DDX17: variants seen among roughly 807,000 people sequenced by gnomAD.
The protein encoded by DDX17 is probable ATP-dependent RNA helicase DDX17.
DDX17 carries 10 observed loss-of-function variants against 80.8 expected under a neutral mutation model. The observed-to-expected ratio is 0.12, with a 90% CI of 0.08 to 0.21. The LOEUF is 0.21. Ranked by LOEUF, DDX17 falls within the 10% of genes least tolerant of loss-of-function variation. DDX17 has a pLI of 1.00. For synonymous variants in DDX17, 339 were observed against 336.2 expected (o/e 1.01, Z -0.09); for missense variants, 586 against 957.4 (o/e 0.61, Z 5.12).
At chr22:38,505,728 G>A (rs999802913) in intron 1 of DDX17, 3 of 539,242 alleles carry the variant, frequency 5.6e-6, no homozygotes, top group Non-Finnish European at 9.5e-6. Flanking sequence ...CACGACGGCC[G>A]TCCGCACGGA....
chr22:38,501,254 A>T lies in DDX17; in HGVS notation c.314T>A (p.Leu105His). 2 of 1,612,248 alleles carry T rather than the reference A, an allele frequency of 1.2e-6. No homozygotes were observed. The highest frequency in any genetic ancestry group is 1.7e-6 in the Non-Finnish European group (2 of 1,179,162). ...AGGATTACCAAATTTCTTCGGGGGA[A>T]GGCCACCACCACCTCTTGCTCCAAA... Residue 105 changes from leucine (L) to histidine (H), a missense_variant, in exon 2 of 13, where the codon CTT (leucine) becomes CAT (histidine). Physicochemically the swap from Leu to His is moderately conservative, Grantham distance 99 (BLOSUM62 -3). This residue lies in a region of DDX17 where 215 missense variants were observed against 238.4 expected (regional missense o/e 0.90). Coordinates refer to ENST00000403230, the MANE Select transcript of DDX17 (RefSeq NM_006386.5).
intron 1 of DDX17, 40 bp downstream of exon 1, chr22:38,505,911 A>T: frequency 2.7e-6 from 2 of 740,570 alleles, no homozygotes; most frequent in Non-Finnish European, 2.0e-6. Context: ...CAACTCCCCC[A>T]CCCCCACGCC....
At chr22:38,494,564 A>T (rs1420747741) in intron 8 of DDX17, 66 bp downstream of exon 8, 1 of 1,492,970 alleles carries the variant, frequency 6.7e-7, no homozygotes, top group African/African-American at 1.4e-5. Context: ...CTACAGTACT[A>T]ATTTTGGAGG....
intron 2 of DDX17, 134 bp downstream of exon 2, chr22:38,500,996 A>G: frequency 8.0e-7 from 1 of 1,248,780 alleles, no homozygotes; most frequent in East Asian, 3.0e-5. Flanking sequence ...AAAATTAACC[A>G]AAAAATTTTT....
chr22:38,488,893 A>T, intron 11 of DDX17: 1 of 985,410 alleles, frequency 1.0e-6, no homozygotes, highest in Non-Finnish European at 1.2e-6. Context: ...TTCAATTATC[A>T]ATGATTGTCT....
intron 1 of DDX17, 88 bp downstream of exon 1, chr22:38,505,863 G>C (rs1379733475): frequency 6.8e-7 from 1 of 1,463,222 alleles, no homozygotes; most frequent in Non-Finnish European, 9.2e-7. Flanking sequence ...CGAGAGCAAG[G>C]CTCCCAGGCT....
chr22:38,501,911 ATTAAG>A (rs376494362), intron 1 of DDX17, among the ~76,000 whole-genome samples: 111 of 152,364 alleles, frequency 7.3e-4, no homozygotes, highest in African/African-American at 2.4e-3. Flanking sequence ...AAAGGATGAC[ATTAAG>A]TTAAGTTTCA....
At chr22:38,497,906 ATT>A (rs2089786766) in intron 5 of DDX17, among the ~76,000 whole-genome samples, 177 bp downstream of exon 5, 1 of 152,240 alleles carries the variant, frequency 6.6e-6, no homozygotes, top group Non-Finnish European at 1.5e-5. Flanking sequence ...AAGCTCAGCT[ATT>A]CAATTGCTGA....
chr22:38,492,207 C>A, intron 10 of DDX17, 92 bp from the exon 11 acceptor site: 1 of 1,029,988 alleles, frequency 9.7e-7, no homozygotes, highest in Non-Finnish European at 1.4e-6. Flanking sequence ...ATAATGGTGC[C>A]AGAAAATCCC....
intron 1 of DDX17, chr22:38,505,465 A>C (rs751176838): frequency 6.4e-6 from 1 of 156,556 alleles, no homozygotes; most frequent in Non-Finnish European, 1.4e-5. Flanking sequence ...CCCGTGCCTT[A>C]AACAGTGAAC....
Position 38,486,550 on chromosome 22 carries a change from G to T in DDX17, c.1685-110C>A, listed in dbSNP as rs1042877084. ...ATTAAACATGTCTCCTTGATATTTA[G>T]TTATGCTGGCCAGCCTCCCAATTAG... On this transcript the variant is annotated intron_variant, in intron 12 of 12. Transcript: ENST00000403230. 2.8e-6 allele frequency: 4 copies of T among 1,412,116 alleles called. No individual in the cohort carries two copies. In the East Asian group the frequency reaches 1.0e-4, roughly 36 times the overall value. 87.5% of individuals were successfully genotyped at this position (1,412,116 alleles called of 1,614,324 possible).
intron 5 of DDX17, among the ~76,000 whole-genome samples, chr22:38,496,386 C>T (rs749532657): frequency 2.6e-5 from 4 of 152,166 alleles, no homozygotes; most frequent in Non-Finnish European, 5.9e-5. Flanking sequence ...CTCACTCTAT[C>T]GCCCAGGCTG....
chr22:38,499,615 AG>A (rs1209441739), intron 2 of DDX17, 116 bp from the exon 3 acceptor site: 3 of 772,620 alleles, frequency 3.9e-6, no homozygotes, highest in African/African-American at 3.4e-5. Flanking sequence ...AATATTTAAT[AG>A]TTTACATGGT....
Position 38,498,497 on chromosome 22 carries a change from A to G in DDX17, c.615T>C (p.Ala205=), listed in dbSNP as rs2089792092. Residue 205 remains alanine (A), a synonymous_variant, in exon 4 of 13, where the codon GCT becomes GCC. Transcript: ENST00000403230. ...TGCCCACCATATCCCGGCCACTAAGAGCCAACGGAAATCCCTGGCACTGAA... is the reference window on the plus strand; with the variant it reads ...TGCCCACCATATCCCGGCCACTAAGGGCCAACGGAAATCCCTGGCACTGAA... 1 of 1,614,030 alleles carries G rather than the reference A, an allele frequency of 6.2e-7. No individual in the cohort carries two copies. The highest frequency in any genetic ancestry group is 1.7e-5 in the Admixed American group (1 of 59,990).
intron 3 of DDX17, among the ~76,000 whole-genome samples, chr22:38,498,996 C>T (rs994922999): frequency 6.6e-6 from 1 of 152,102 alleles, no homozygotes; most frequent in Non-Finnish European, 1.5e-5. Flanking sequence ...TGGGTGACAA[C>T]GTTGAGACTC....
chr22:38,490,259 T>C (rs2089699981), intron 11 of DDX17: 1 of 1,249,246 alleles, frequency 8.0e-7, no homozygotes. Flanking sequence ...GTTAATGTTT[T>C]GGCCAGCTGA....
At chr22:38,500,583 T>G (rs1287269554) in intron 2 of DDX17, among the ~76,000 whole-genome samples, 1 of 151,344 alleles carries the variant, frequency 6.6e-6, no homozygotes, top group Non-Finnish European at 1.5e-5. Context: ...CTGAGGCAGG[T>G]CGATCACCTG....
intron 1 of DDX17, 139 bp downstream of exon 1, chr22:38,505,812 C>A: frequency 8.7e-7 from 1 of 1,147,146 alleles, no homozygotes; most frequent in Non-Finnish European, 1.2e-6. Context: ...GCGCACGAAA[C>A]CGCTGTCTCG....
chr22:38,485,801 G>GGTT lies in DDX17; in HGVS notation c.*131_*133dup. The GGTT allele has an allele frequency of 1.6e-6, 2 of 1,282,940 alleles. No homozygotes were observed. Among genetic ancestry groups the GGTT allele is most frequent in the South Asian group, 3.5e-5 (2 of 57,868 alleles). The allele number at this position is 1,282,940 out of a possible 1,614,324, so 79.5% of individuals were successfully genotyped here. On this transcript the variant is annotated 3_prime_UTR_variant, in exon 13 of 13. Transcript: ENST00000403230. ...TCTGCATGAAAAGACAAATCACGAT[G>GGTT]GTTGGGGGGAAAAATTAAAAAAAAA...
Sources: allele counts gnomAD v4.1 joint callset (sites outside exome capture counted in the v4.1 genomes callset), GRCh38; gene constraint gnomAD v4.1.1; regional missense constraint gnomAD v4.1.1; transcripts MANE v1.5; gene names NCBI Gene and HGNC (gene_info 2026-07-23, HGNC 2026-07-21).